Variants in APOO observed in about 807,000 individuals in gnomAD.
The protein encoded by APOO is MICOS complex subunit MIC26.
APOO carries 11 observed loss-of-function variants against 23.1 expected under a neutral mutation model. The observed-to-expected ratio is 0.48, with a 90% CI of 0.30 to 0.79. The LOEUF is 0.79. Among genes scored for constraint, APOO ranks in the 30% least tolerant of loss-of-function variants. The probability of loss-of-function intolerance (pLI) is 0.07; values close to 1 mark genes in which losing one functional copy is unlikely to be tolerated. For missense variants in APOO, 160 were observed against 142.7 expected (o/e 1.12, Z -0.62); for synonymous variants, 59 against 54.8 (o/e 1.08, Z -0.34).
chrX:23,881,626 T>A (rs1262544119), intron 1 of APOO, among the ~76,000 whole-genome samples: 1 of 97,907 alleles, frequency 1.0e-5, no homozygotes, highest in Non-Finnish European at 2.0e-5. Context: ...TTATGGTTTA[T>A]TAATTTAATT....
chrX:23,900,674 CAAAAAAAAAAAA>C (rs967658475), intron 1 of APOO, among the ~76,000 whole-genome samples: 1 of 24,811 alleles, frequency 4.0e-5, no homozygotes, highest in East Asian at 1.2e-3. Context: ...GACTCCGGCT[CAAAAAAAAAAAA>C]AAAAAAAAAG....
chrX:23,888,975 AC>A (rs1225252514), intron 1 of APOO, among the ~76,000 whole-genome samples: 1 of 100,397 alleles, frequency 1.0e-5, no homozygotes, highest in Non-Finnish European at 2.0e-5. Context: ...CTCCATCTCT[AC>A]AAAAAAAAAA....
At chrX:23,881,563 TAAAAAAAAAAAA>T (rs60466764) in intron 1 of APOO, among the ~76,000 whole-genome samples, 1 of 9,174 alleles carries the variant, frequency 1.1e-4, no homozygotes, top group Non-Finnish European at 1.5e-4. Context: ...ATCGCTCCAC[TAAAAAAAAAAAA>T]AAAAAAAAAA....
intron 2 of APOO, among the ~76,000 whole-genome samples, chrX:23,879,828 G>A (rs769834685): frequency 2.7e-5 from 3 of 111,655 alleles, no homozygotes; most frequent in African/African-American, 9.7e-5. Flanking sequence ...GCCACTGCTG[G>A]CTGCCTTCTT....
chrX:23,894,882 A>G (rs1926831029), intron 1 of APOO, among the ~76,000 whole-genome samples: 1 of 110,773 alleles, frequency 9.0e-6, no homozygotes, highest in African/African-American at 3.3e-5. Context: ...CGGTGGCTCG[A>G]GCCTGTAATC....
intron 5 of APOO, among the ~76,000 whole-genome samples, chrX:23,865,171 C>T (rs953641563): frequency 1.8e-5 from 2 of 111,558 alleles, no homozygotes; most frequent in African/African-American, 6.5e-5. Flanking sequence ...TCAACAACCA[C>T]GTGTCATCTT....
intron 3 of APOO, among the ~76,000 whole-genome samples, chrX:23,876,270 T>TA (rs1469389728): frequency 0.014 from 1,392 of 102,682 alleles, 23 homozygotes; most frequent in African/African-American, 0.045. Context: ...CTCAAAAAAA[T>TA]AAAAAAAATA....
chrX:23,885,655 G>A (rs756543193), intron 1 of APOO, among the ~76,000 whole-genome samples: 1 of 109,660 alleles, frequency 9.1e-6, no homozygotes, highest in African/African-American at 3.3e-5. Flanking sequence ...TATCTTACTT[G>A]TTTTTCTAGT....
At chrX:23,877,909 T>C (rs1295566495) in intron 3 of APOO, among the ~76,000 whole-genome samples, 1 of 112,252 alleles carries the variant, frequency 8.9e-6, no homozygotes, top group Non-Finnish European at 1.9e-5. Context: ...AACAAACATA[T>C]GTATCAAAGC....
In APOO at chrX:23,903,349, G is replaced by A. The variant is rs758404837; in HGVS notation, c.9+4345C>T. ...TGCGCCACTGTACTCAAGCCTGCGT[G>A]ATAGAGCGAGACTCCATCTAGAAAA... On this transcript the variant is annotated intron_variant, in intron 1 of 8. Transcript: ENST00000379226. Among the ~76,000 whole-genome samples the A allele has an allele frequency of 1.5e-3, 159 of 107,599 alleles. 1 individual carries two copies. Among genetic ancestry groups the A allele is most frequent in the African/African-American group, 4.8e-3 (140 of 29,336 alleles). The allele number at this position is 107,599 out of a possible 115,157, so 93.4% of individuals were successfully genotyped here.
intron 4 of APOO, 122 bp from the exon 5 acceptor site, chrX:23,868,810 C>T (rs1162381988): frequency 5.2e-6 from 2 of 387,939 alleles, no homozygotes; most frequent in Non-Finnish European, 8.7e-6. Context: ...CACATATTCT[C>T]TGCATCCTGC....
intron 1 of APOO, among the ~76,000 whole-genome samples, chrX:23,894,521 C>T (rs903690924): frequency 8.9e-6 from 1 of 111,945 alleles, no homozygotes; most frequent in Non-Finnish European, 1.9e-5. Context: ...CTCGGCCAGG[C>T]GCCGTGGCTC....
chrX:23,899,035 A>C (rs1045809618), intron 1 of APOO, among the ~76,000 whole-genome samples: 5 of 112,398 alleles, frequency 4.4e-5, no homozygotes, highest in Non-Finnish European at 7.5e-5. Flanking sequence ...ATTCCTCCAC[A>C]CTAAGGCAAT....
chrX:23,867,071 G>A (rs1925369518), intron 5 of APOO, among the ~76,000 whole-genome samples: 3 of 111,110 alleles, frequency 2.7e-5, no homozygotes, highest in South Asian at 7.6e-4. Flanking sequence ...CTGCACTCCA[G>A]CCTGGGCGAC....
intron 1 of APOO, among the ~76,000 whole-genome samples, chrX:23,889,962 A>T (rs1203832930): frequency 2.7e-5 from 3 of 110,916 alleles, no homozygotes; most frequent in Non-Finnish European, 5.7e-5. Context: ...CGCCTGGCCC[A>T]CCTGGGGAAT....
intron 1 of APOO, among the ~76,000 whole-genome samples, chrX:23,882,459 C>G (rs1050920353): frequency 3.0e-4 from 33 of 111,515 alleles, no homozygotes; most frequent in Non-Finnish European, 5.5e-4. Context: ...ATCAATCACT[C>G]ATTTATTTTC....
intron 1 of APOO, among the ~76,000 whole-genome samples, chrX:23,904,235 T>C (rs1348197250): frequency 9.0e-6 from 1 of 111,245 alleles, no homozygotes; most frequent in Non-Finnish European, 1.9e-5. Flanking sequence ...CTCTCCCCTG[T>C]GATTAAGTGA....
chrX:23,852,369 C>T (rs752475275), intron 7 of APOO, among the ~76,000 whole-genome samples: 42 of 110,317 alleles, frequency 3.8e-4, no homozygotes, highest in Middle Eastern at 4.7e-3. Context: ...GAGGCCGAGG[C>T]GGGCAGATCA....
intron 7 of APOO, among the ~76,000 whole-genome samples, chrX:23,849,478 C>A (rs140468116): frequency 1.2e-3 from 122 of 105,581 alleles, no homozygotes; most frequent in Non-Finnish European, 4.1e-4. Context: ...AAACCCAAAC[C>A]GTTGGAAACT....
Sources: allele counts gnomAD v4.1 joint callset (sites outside exome capture counted in the v4.1 genomes callset), GRCh38; gene constraint gnomAD v4.1.1; transcripts MANE v1.5; gene names NCBI Gene and HGNC (gene_info 2026-07-23, HGNC 2026-07-21).